ZC3H11A: variants seen among roughly 807,000 people sequenced by gnomAD.
ZC3H11A encodes zinc finger CCCH domain-containing protein 11A.
Under a neutral mutation model 90.8 loss-of-function variants are expected in ZC3H11A, and 22 were observed. That is an observed-to-expected ratio of 0.24 (90% confidence interval 0.17 to 0.35). The LOEUF (loss-of-function observed/expected upper bound fraction) is 0.35, where lower values mean the gene tolerates loss of function less well. Ranked by LOEUF, ZC3H11A falls within the 10% of genes least tolerant of loss-of-function variation. The probability of loss-of-function intolerance (pLI) is 1.00; values close to 1 mark genes in which losing one functional copy is unlikely to be tolerated. For missense variants in ZC3H11A, 701 were observed against 964.9 expected (o/e 0.73, Z 3.62); for synonymous variants, 294 against 339.8 (o/e 0.87, Z 1.48).
At chr1:203,850,413 G>T (rs1228550444) in intron 15 of ZC3H11A, 102 bp from the exon 16 acceptor site, 24 of 1,473,002 alleles carry the variant, frequency 1.6e-5, no homozygotes, top group Non-Finnish European at 2.2e-5. Context: ...ATTATTTGTG[G>T]TATTTCTAGT....
At chr1:203,798,870 A>G in intron 1 of ZC3H11A, 1 of 1,536,058 alleles carries the variant, frequency 6.5e-7, no homozygotes, top group Non-Finnish European at 8.7e-7. Context: ...GCCATCAGAG[A>G]CTTACTTTTT....
Position 203,816,942 on chromosome 1 carries a change from C to G in ZC3H11A, c.-129C>G. 1.2e-5 allele frequency: 7 copies of G among 596,720 alleles called. No individual in the cohort carries two copies. In the South Asian group the frequency reaches 2.0e-4, roughly 17 times the overall value. 37.0% of individuals were successfully genotyped at this position (596,720 alleles called of 1,614,324 possible). On this transcript the variant is annotated 5_prime_UTR_variant, in exon 3 of 18. Transcript: ENST00000367210. ...TCATTTTAGGATTACAGTTTAAAGA[C>G]AATTTCTGTGATCAAGTTGTCATTT... is the stretch of plus-strand genomic sequence containing the variant.
At chr1:203,833,754 G>C in intron 9 of ZC3H11A, 37 bp from the exon 10 acceptor site, 1 of 1,579,316 alleles carries the variant, frequency 6.3e-7, no homozygotes, top group Non-Finnish European at 8.6e-7. Context: ...CAGAAAAATT[G>C]ACTAAGGATA....
At chr1:203,819,725 G>A (rs975862671) in intron 4 of ZC3H11A, among the ~76,000 whole-genome samples, 2 of 149,056 alleles carry the variant, frequency 1.3e-5, no homozygotes, top group African/African-American at 2.5e-5. Flanking sequence ...GTAGAGATGG[G>A]GTTTTGCCAT....
chr1:203,818,513 A>G, intron 3 of ZC3H11A, 57 bp from the exon 4 acceptor site: 6 of 1,608,242 alleles, frequency 3.7e-6, no homozygotes, highest in Non-Finnish European at 8.5e-7. Context: ...TGTTATGGAT[A>G]TTTTACCTAG....
chr1:203,830,925 ATTTTTTTTTTTTTTTTTT>A (rs774771270), intron 8 of ZC3H11A, among the ~76,000 whole-genome samples: 66 of 51,390 alleles, frequency 1.3e-3, no homozygotes, highest in African/African-American at 2.3e-3. Context: ...CCAACCCCCA[ATTTTTTTTTTTTTTTTTT>A]TTTTTTTTTT....
chr1:203,827,125 T>C (rs758586116), intron 4 of ZC3H11A, among the ~76,000 whole-genome samples: 1 of 152,234 alleles, frequency 6.6e-6, no homozygotes, highest in African/African-American at 2.4e-5. Context: ...CAATGGTTTA[T>C]TCCTTCTCAT....
intron 4 of ZC3H11A, 72 bp downstream of exon 4, chr1:203,818,761 A>G (rs2102802471): frequency 1.2e-6 from 2 of 1,604,928 alleles, no homozygotes; most frequent in East Asian, 4.5e-5. Flanking sequence ...ATATAGGGAC[A>G]AAAGTGACTT....
chr1:203,840,475 T>C (rs1470890176), intron 12 of ZC3H11A, 101 bp downstream of exon 12: 5 of 1,183,394 alleles, frequency 4.2e-6, no homozygotes, highest in Non-Finnish European at 6.0e-6. Flanking sequence ...GCTTTTGATT[T>C]TTGTTCTTTT....
At position 203,847,645 on chromosome 1, in the gene ZC3H11A, A is replaced by T; in HGVS notation, c.1504A>T (p.Thr502Ser). Residue 502 changes from threonine (T) to serine (S), a missense_variant, in exon 13 of 18, where the codon ACT (threonine) becomes TCT (serine). Around this residue, in one of 4 missense-constraint regions of ZC3H11A, gnomAD observed 530 missense variants for 696.2 expected, o/e 0.76. Coordinates refer to ENST00000367210, the MANE Select transcript of ZC3H11A (RefSeq NM_001376342.1). The stretch of plus-strand genomic sequence containing the variant: ...CAGCTCCCCGTCTCAACACGAGGCC[A>T]CTCCAGGGGCAAGGCGGCTGCTGCG... Reference protein sequence around the residue: ...STSSPSQHEATPGARRLLRIT... With the variant: ...STSSPSQHEASPGARRLLRIT... 6.2e-7 allele frequency: 1 copy of T among 1,613,038 alleles called. No homozygotes were observed. The highest frequency in any genetic ancestry group is 8.5e-7 in the Non-Finnish European group (1 of 1,179,972).
intron 2 of ZC3H11A, chr1:203,805,898 C>T: frequency 4.2e-6 from 3 of 707,340 alleles, no homozygotes; most frequent in Non-Finnish European, 5.2e-6. Context: ...TCAATCTGGT[C>T]AGTTTTCACT....
intron 12 of ZC3H11A, among the ~76,000 whole-genome samples, chr1:203,841,580 G>A (rs898634816): frequency 6.6e-6 from 1 of 152,188 alleles, no homozygotes; most frequent in African/African-American, 2.4e-5. Flanking sequence ...GTAACAATCT[G>A]ATCTCTCTTT....
chr1:203,847,319 C>T lies in ZC3H11A; in HGVS notation c.1178C>T (p.Ser393Leu), dbSNP rs751872027. The change falls in exon 13 of 18, where the codon TCA becomes TTA. Residue 393 changes from serine (S) to leucine (L), a missense_variant. Transcript: ENST00000367210. ...CCTTCAAAAACTGATGATTCTACTTCAGGAGCAAGAAGCTCCTCCACTATC... is the reference window on the plus strand; with the variant it reads ...CCTTCAAAAACTGATGATTCTACTTTAGGAGCAAGAAGCTCCTCCACTATC... ...EGPSKTDDST[S>L]GARSSSTIRI... 1.9e-6 allele frequency: 3 copies of T among 1,613,886 alleles called. No homozygotes were observed. The highest frequency in any genetic ancestry group is 2.5e-6 in the Non-Finnish European group (3 of 1,179,850).
In ZC3H11A at chr1:203,850,666, C is replaced by T. The variant is rs775644621; in HGVS notation, c.2091C>T (p.Ala697=). 4 of 1,613,804 alleles carry T rather than the reference C, an allele frequency of 2.5e-6. No homozygotes were observed. Among genetic ancestry groups the T allele is most frequent in the Non-Finnish European group, 3.4e-6 (4 of 1,179,912 alleles). ...GCAGTGTCCTACAGGAACCCCCAGC[C>T]AAAAAGGCAGCTGTGGTAAGAAGTA... is the stretch of plus-strand genomic sequence containing the variant. The part of the protein sequence containing the change: ...SSSSVLQEPP[A]KKAAVAVVPL... Residue 697 remains alanine, a synonymous_variant, in exon 16 of 18, where the codon GCC becomes GCT. Coordinates refer to ENST00000367210, the MANE Select transcript of ZC3H11A (RefSeq NM_001376342.1).
rs773296504 is a variant in ZC3H11A at position 203,817,122 on chromosome 1, A to C, written c.52A>C (p.Lys18Gln). 6.2e-7 allele frequency: 1 copy of C among 1,606,142 alleles called. No homozygotes were observed. The change falls in exon 3 of 18, where the codon AAA (lysine) becomes CAA (glutamine). Residue 18 changes from lysine to glutamine, a missense_variant and splice_region_variant. Lys to Gln is a moderately conservative substitution (Grantham distance 53). This residue lies in a region of ZC3H11A where 59 missense variants were observed against 132.8 expected (regional missense o/e 0.44). Coordinates refer to ENST00000367210, the MANE Select transcript of ZC3H11A (RefSeq NM_001376342.1). ...TTTTTTTTTCTATTCCACATGTACC[A>C]AAGTAAGAATTGACATCTTTAAATC... ...CYFFFYSTCT[K>Q]GDSCPFRHCE...
rs1205018700 is a variant in ZC3H11A at position 203,840,364 on chromosome 1, G to A, written c.1032G>A (p.Glu344=). ...GCATGTCAGCTGATCCAGATAATGAGGATGCAACAGGTAAGTAAATCCTAA... is the reference window on the plus strand; with the variant it reads ...GCATGTCAGCTGATCCAGATAATGAAGATGCAACAGGTAAGTAAATCCTAA... ...RLGMSADPDN[E]DATDKVNKVG... is the part of the protein sequence containing the mutation. The change falls in exon 12 of 18, where the codon GAG becomes GAA. Residue 344 remains glutamate, a synonymous_variant. Coordinates refer to ENST00000367210, the MANE Select transcript of ZC3H11A (RefSeq NM_001376342.1). 5.6e-6 allele frequency: 9 copies of A among 1,612,138 alleles called. No homozygotes were observed. In the Admixed American group the frequency reaches 1.3e-4, roughly 24 times the overall value.
At chr1:203,798,717 A>G (rs1669526369) in intron 1 of ZC3H11A, 1 of 1,536,058 alleles carries the variant, frequency 6.5e-7, no homozygotes, top group Non-Finnish European at 8.7e-7. Flanking sequence ...GGAGAGAGAA[A>G]CAACATGTTG....
intron 10 of ZC3H11A, among the ~76,000 whole-genome samples, chr1:203,836,294 G>A (rs796833672): frequency 3.0e-4 from 45 of 152,234 alleles, no homozygotes; most frequent in African/African-American, 1.1e-3. Flanking sequence ...CTTTGTGATG[G>A]TTTTATATTT....
chr1:203,844,718 A>G (rs1687403404), intron 12 of ZC3H11A, among the ~76,000 whole-genome samples: 1 of 152,088 alleles, frequency 6.6e-6, no homozygotes, highest in Admixed American at 6.5e-5. Context: ...GGCAGCTTGT[A>G]TGGACTGAAG....
Sources: gnomAD v4.1 joint callset for allele counts (sites outside exome capture counted in the v4.1 genomes callset) on GRCh38, gnomAD v4.1.1 for gene constraint, gnomAD v4.1.1 regional missense constraint, MANE v1.5 for transcripts, NCBI Gene and HGNC (gene_info 2026-07-23, HGNC 2026-07-21) for gene names.